PI4KB: variants seen among roughly 807,000 people sequenced by gnomAD.
The protein encoded by PI4KB is PtdIns 4-kinase beta.
In PI4KB, 23 loss-of-function variants were observed where a neutral mutation model predicts 81.4. That is an observed-to-expected ratio of 0.28 (90% CI 0.20 to 0.40). PI4KB has a LOEUF of 0.40. Ranked by LOEUF, PI4KB falls within the 10% of genes least tolerant of loss-of-function variation. The pLI, the probability that PI4KB is intolerant of heterozygous loss-of-function variation, is 1.00. For missense variants in PI4KB, 651 were observed against 1,036.6 expected (o/e 0.63, Z 5.11); for synonymous variants, 381 against 406.8 (o/e 0.94, Z 0.76).
chr1:151,303,429 G>T, intron 6 of PI4KB, 112 bp downstream of exon 6: 1 of 768,000 alleles, frequency 1.3e-6, no homozygotes, highest in South Asian at 1.5e-5. Flanking sequence ...GAATGAAAGA[G>T]GGAAAGACAC....
intron 2 of PI4KB, among the ~76,000 whole-genome samples, chr1:151,314,972 G>GTTTATTTA (rs781037947): frequency 1.3e-5 from 2 of 152,060 alleles, no homozygotes; most frequent in African/African-American, 2.4e-5. Flanking sequence ...TGGAATGGCA[G>GTTTATTTA]TTTATTTATT....
chr1:151,300,965 C>G (rs1695218528), intron 8 of PI4KB: 1 of 152,240 alleles, frequency 6.6e-6, no homozygotes, highest in African/African-American at 2.4e-5. Flanking sequence ...GGTGCCAGGA[C>G]ATTTTGGAAG....
rs1695033326 is a variant in PI4KB, at chr1:151,299,068, A to C, written c.1755T>G (p.Ile585Met). 1 of 1,613,844 alleles carries C rather than the reference A, an allele frequency of 6.2e-7. No homozygotes were observed. Among genetic ancestry groups the C allele is most frequent in the Non-Finnish European group, 8.5e-7 (1 of 1,179,738 alleles). ...AAAGGGGCACTCGCTCCTGTTCCCAAATGGACTGTGAGGAGACATGGAGGA... is the reference window on the plus strand; with the variant it reads ...AAAGGGGCACTCGCTCCTGTTCCCACATGGACTGTGAGGAGACATGGAGGA... ...AFQVLKQLQS[I>M]WEQERVPLWI... The change falls in exon 9 of 12, where the codon ATT becomes ATG. Residue 585 changes from isoleucine to methionine, a missense_variant. By Grantham distance (10) the Ile-to-Met change is conservative (BLOSUM62 1). Transcript: ENST00000368873.
rs587762489 is a variant in PI4KB at position 151,291,952 on chromosome 1, G to C, written c.*900C>G. On this transcript the variant is annotated 3_prime_UTR_variant, in exon 12 of 12. Transcript: ENST00000368873. ...GACTTGGACAATGTGGAGTTGAAGC[G>C]GGTGAGAGAACATGGAAGGCCCGCC... 6.6e-6 allele frequency: 1 copy of C among 152,168 alleles called. No individual in the cohort carries two copies. Among genetic ancestry groups the C allele is most frequent in the African/African-American group, 2.4e-5 (1 of 41,382 alleles). 9.4% of individuals were successfully genotyped at this position (152,168 alleles called of 1,614,324 possible).
intron 3 of PI4KB, among the ~76,000 whole-genome samples, 163 bp from the exon 4 acceptor site, chr1:151,307,964 T>C (rs1695925006): frequency 6.6e-6 from 1 of 152,178 alleles, no homozygotes; most frequent in African/African-American, 2.4e-5. Flanking sequence ...CACCCACCCT[T>C]CACAACTTGA....
chr1:151,301,312 T>A (rs1695256767), intron 8 of PI4KB, among the ~76,000 whole-genome samples: 1 of 151,970 alleles, frequency 6.6e-6, no homozygotes, highest in African/African-American at 2.4e-5. Context: ...GCCTCCTGGG[T>A]TCAAGCTATT....
In PI4KB at chr1:151,316,325, G is replaced by A. The variant is rs1345196288; in HGVS notation, c.157C>T (p.Gln53Ter). 1 of 1,613,986 alleles carries A rather than the reference G, an allele frequency of 6.2e-7. No homozygotes were observed. Among genetic ancestry groups the A allele is most frequent in the South Asian group, 1.1e-5 (1 of 91,052 alleles). The change falls in exon 2 of 12, where the codon CAG becomes TAG. Residue 53 changes from glutamine to a stop codon, truncating the protein, a stop_gained. Transcript: ENST00000368873. LOFTEE classifies it high-confidence loss of function. ...AGCTTGACTTTCTCCAACACCTCCT[G>A]GCAGGCCTTCTGGGCCACCTCAGGG... Reference protein sequence around the residue: ...IDPEVAQKACQEVLEKVKLLH... With the variant: ...IDPEVAQKAC
rs1313929888 is a variant in PI4KB, at chr1:151,303,427, G to A, written c.1520+114C>T. On this transcript the variant is annotated intron_variant, in intron 6 of 11. Transcript: ENST00000368873. ...GGCCCCAAACAAGGACAGAATGAAA[G>A]AGGGAAAGACACAGGCCAACAACAG... 4.0e-6 allele frequency: 3 copies of A among 758,006 alleles called. No homozygotes were observed. The African/African-American group carries it at 5.1e-5, about 13-fold the overall frequency. The allele number at this position is 758,006 out of a possible 1,614,324, so 47.0% of individuals were successfully genotyped here.
intron 4 of PI4KB, 47 bp from the exon 5 acceptor site, chr1:151,306,410 C>T: frequency 3.3e-6 from 4 of 1,207,744 alleles, no homozygotes; most frequent in Non-Finnish European, 4.9e-6. Flanking sequence ...CCACCACTAA[C>T]CCCCAAATCT....
chr1:151,316,422 G>A lies in PI4KB; in HGVS notation c.60C>T (p.Gly20=). 1.3e-6 allele frequency: 2 copies of A among 1,583,736 alleles called. No homozygotes were observed. Among genetic ancestry groups the A allele is most frequent in the Admixed American group, 1.8e-5 (1 of 56,458 alleles). ...GGGACCCCCCATTATTCCCTGGTGG[G>A]CCAGAAGTGGGCTCAGAAGTTGGCT... ...PLKPTSEPTS[G]PPGNNGGSLL... Residue 20 remains glycine, a synonymous_variant, in exon 2 of 12, where the codon GGC becomes GGT. Coordinates refer to ENST00000368873, the MANE Select transcript of PI4KB (RefSeq NM_001369623.2).
rs779122733 is a variant in PI4KB, at chr1:151,316,394, G to A, written c.88C>T (p.Leu30=). 6 of 1,600,786 alleles carry A rather than the reference G, an allele frequency of 3.7e-6. No individual in the cohort carries two copies. The South Asian group carries it at 6.8e-5, about 18-fold the overall frequency. Residue 30 remains leucine (L), a synonymous_variant, in exon 2 of 12, where the codon CTA becomes TTA. Transcript: ENST00000368873. ...CCGACCCCCTCCGTGATGACACTTA[G>A]CAGGGACCCCCCATTATTCCCTGGT... is the stretch of plus-strand genomic sequence containing the variant. ...GPPGNNGGSL[L]SVITEGVGEL...
intron 4 of PI4KB, among the ~76,000 whole-genome samples, chr1:151,306,788 G>A (rs935631037): frequency 6.6e-6 from 1 of 152,154 alleles, no homozygotes; most frequent in East Asian, 1.9e-4. Flanking sequence ...TTTGAAAGAA[G>A]AATATGGGCC....
rs1368516049 is a variant in PI4KB, at chr1:151,304,853, C to T, written c.1411-1203G>A. Among the ~76,000 whole-genome samples the T allele has an allele frequency of 6.2e-5, 9 of 144,796 alleles. No individual in the cohort carries two copies. The Admixed American group carries it at 6.2e-4, about 10-fold the overall frequency. 95.0% of individuals were successfully genotyped at this position (144,796 alleles called of 152,430 possible). On this transcript the variant is annotated intron_variant, in intron 5 of 11. Transcript: ENST00000368873. ...GCTTTTTTTTTTTTTTCTTTTGAGA[C>T]GGAATTTTGCTTGTCACCCAGGCTG... is the stretch of plus-strand genomic sequence containing the variant.
At position 151,315,946 on chromosome 1, in the gene PI4KB, A is replaced by G; in HGVS notation, c.536T>C (p.Leu179Ser). ...NEDVDFYLPQ[L>S]LNMYIHMDED... is the part of the protein sequence containing the mutation. ...ATCCATGTGGATGTACATGTTAAGCAACTGGGGCAGATAGAAGTCCACGTC... is the reference window on the plus strand; with the variant it reads ...ATCCATGTGGATGTACATGTTAAGCGACTGGGGCAGATAGAAGTCCACGTC... The change falls in exon 2 of 12, where the codon TTG (leucine) becomes TCG (serine). Residue 179 changes from leucine (L) to serine (S), a missense_variant. This residue lies in a region of PI4KB where 314 missense variants were observed against 397.8 expected (regional missense o/e 0.79). Coordinates refer to ENST00000368873, the MANE Select transcript of PI4KB (RefSeq NM_001369623.2). 1 of 1,613,366 alleles carries G rather than the reference A, an allele frequency of 6.2e-7. No homozygotes were observed. The highest frequency in any genetic ancestry group is 1.1e-5 in the South Asian group (1 of 91,036).
intron 8 of PI4KB, among the ~76,000 whole-genome samples, chr1:151,300,462 C>T (rs587711200): frequency 2.0e-5 from 3 of 152,172 alleles, no homozygotes; most frequent in South Asian, 4.2e-4. Flanking sequence ...CAAAATTAGC[C>T]GGGCGTGGTG....
intron 3 of PI4KB, 93 bp from the exon 4 acceptor site, chr1:151,307,894 G>A: frequency 2.1e-6 from 2 of 934,570 alleles, no homozygotes; most frequent in Non-Finnish European, 3.4e-6. Flanking sequence ...GCAGGCCGGG[G>A]ACCCCACTAT....
chr1:151,314,545 C>T (rs1647619577), intron 2 of PI4KB, among the ~76,000 whole-genome samples: 1 of 152,196 alleles, frequency 6.6e-6, no homozygotes, highest in African/African-American at 2.4e-5. Flanking sequence ...TCTTCCCAGC[C>T]TCCAGGTCCT....
intron 2 of PI4KB, among the ~76,000 whole-genome samples, chr1:151,315,267 G>T (rs746764555): frequency 6.6e-6 from 1 of 152,106 alleles, no homozygotes; most frequent in Non-Finnish European, 1.5e-5. Context: ...GTGAGCCACC[G>T]CGCCTGGCCA....
At chr1:151,313,033 C>T (rs587765183) in intron 2 of PI4KB, among the ~76,000 whole-genome samples, 17 of 151,344 alleles carry the variant, frequency 1.1e-4, no homozygotes, top group African/African-American at 2.4e-4. Context: ...AAAGGGCGGA[C>T]GGACAGACAG....
Sources: allele counts gnomAD v4.1 joint callset (sites outside exome capture counted in the v4.1 genomes callset), GRCh38; gene constraint gnomAD v4.1.1; regional missense constraint gnomAD v4.1.1; transcripts MANE v1.5; gene names NCBI Gene and HGNC (gene_info 2026-07-23, HGNC 2026-07-21).